NKAIN2: variants seen among roughly 807,000 people sequenced by gnomAD.
The protein encoded by NKAIN2 is sodium/potassium-transporting ATPase subunit beta-1-interacting protein 2.
NKAIN2 carries 14 observed loss-of-function variants against 32.6 expected under a neutral mutation model. The observed-to-expected ratio is 0.43, with a 90% CI of 0.28 to 0.67. The LOEUF is 0.67. Among genes scored for constraint, NKAIN2 ranks in the 30% least tolerant of loss-of-function variants. The pLI is 0.17. For synonymous variants in NKAIN2, 80 were observed against 87.2 expected, an observed-to-expected ratio of 0.92 and a Z score of 0.46; for missense variants, 198 against 258.3, an observed-to-expected ratio of 0.77 and a Z score of 1.60.
In NKAIN2 at chr6:123,940,336, A is replaced by G. The variant is rs181723475; in HGVS notation, c.54+136082A>G. 2.8e-3 allele frequency among the ~76,000 whole-genome samples: 412 copies of G among 148,888 alleles called. 1 individual carries two copies. Among genetic ancestry groups the G allele is most frequent in the Non-Finnish European group, 5.0e-3 (333 of 66,718 alleles). ...TGTGTGTGTGTGTGCCTGTGTGTGTATATATATATATGTGTATGTGTATGT... is the reference window on the plus strand; with the variant it reads ...TGTGTGTGTGTGTGCCTGTGTGTGTGTATATATATATGTGTATGTGTATGT... On this transcript the variant is annotated intron_variant, in intron 1 of 6. Coordinates refer to ENST00000368417, the MANE Select transcript of NKAIN2 (RefSeq NM_001040214.3).
At chr6:124,294,481 T>C (rs553623887) in intron 2 of NKAIN2, among the ~76,000 whole-genome samples, 1 of 152,278 alleles carries the variant, frequency 6.6e-6, no homozygotes, top group East Asian at 1.9e-4. Flanking sequence ...AATTCTGAAA[T>C]TGATTAAAGA....
At chr6:124,405,336 G>A (rs1773803194) in intron 3 of NKAIN2, among the ~76,000 whole-genome samples, 1 of 152,042 alleles carries the variant, frequency 6.6e-6, no homozygotes, top group African/African-American at 2.4e-5. Context: ...ATTACCATGA[G>A]TCTAAGAAGC....
At chr6:124,506,986 AG>A (rs2114762793) in intron 3 of NKAIN2, among the ~76,000 whole-genome samples, 1 of 152,346 alleles carries the variant, frequency 6.6e-6, no homozygotes, top group East Asian at 1.9e-4. Flanking sequence ...AGAAGCTCCA[AG>A]TGACTCATGG....
intron 1 of NKAIN2, among the ~76,000 whole-genome samples, chr6:124,275,294 T>G (rs1582970760): frequency 6.6e-6 from 1 of 152,044 alleles, no homozygotes; most frequent in East Asian, 1.9e-4. Context: ...TTACATAAAC[T>G]TACTGATTTA....
chr6:124,779,236 T>A (rs1779126053), intron 4 of NKAIN2, among the ~76,000 whole-genome samples: 1 of 107,784 alleles, frequency 9.3e-6, no homozygotes, highest in Non-Finnish European at 1.8e-5. Flanking sequence ...AGAGCCAGAC[T>A]CCAACAAAGA....
intron 1 of NKAIN2, among the ~76,000 whole-genome samples, chr6:124,235,133 T>A (rs1486801137): frequency 6.6e-6 from 1 of 152,190 alleles, no homozygotes; most frequent in Non-Finnish European, 1.5e-5. Context: ...TAAAAATAAG[T>A]ATACTTTAGC....
rs192982236 is a variant in NKAIN2 at position 124,157,449 on chromosome 6, A to G, written c.55-125556A>G. Among the ~76,000 whole-genome samples, 279 of 152,322 alleles carry G rather than the reference A, an allele frequency of 1.8e-3. 1 individual carries two copies. Among genetic ancestry groups the G allele is most frequent in the Middle Eastern group, 0.01 (3 of 294 alleles). ...GTTCACAAATTTAAAAAGTAATCCT[A>G]TAAGAGGTAGCGCTATTGCTTTATT... On this transcript the variant is annotated intron_variant, in intron 1 of 6. Coordinates refer to ENST00000368417, the MANE Select transcript of NKAIN2 (RefSeq NM_001040214.3).
At chr6:124,190,983 T>C (rs1474770208) in intron 1 of NKAIN2, among the ~76,000 whole-genome samples, 1 of 152,190 alleles carries the variant, frequency 6.6e-6, no homozygotes, top group Non-Finnish European at 1.5e-5. Flanking sequence ...AACAGAGTGG[T>C]ACATCTACTA....
intron 4 of NKAIN2, among the ~76,000 whole-genome samples, chr6:124,683,793 G>T (rs1214685039): frequency 6.6e-6 from 1 of 152,126 alleles, no homozygotes; most frequent in Non-Finnish European, 1.5e-5. Flanking sequence ...CAGCAAGTAG[G>T]AAAAACATCA....
chr6:124,442,220 C>T (rs563773379), intron 3 of NKAIN2, among the ~76,000 whole-genome samples: 2 of 152,140 alleles, frequency 1.3e-5, no homozygotes, highest in Non-Finnish European at 2.9e-5. Context: ...CCTAAGGCCA[C>T]TTTTATTTCC....
intron 2 of NKAIN2, among the ~76,000 whole-genome samples, chr6:124,346,536 T>C (rs1798432566): frequency 6.6e-6 from 1 of 152,194 alleles, no homozygotes; most frequent in Non-Finnish European, 1.5e-5. Flanking sequence ...GGTGCATATA[T>C]ATTTAGGACA....
At chr6:124,810,917 GAA>G (rs112717446) in intron 5 of NKAIN2, among the ~76,000 whole-genome samples, 26 of 113,424 alleles carry the variant, frequency 2.3e-4, no homozygotes, top group Admixed American at 7.2e-4. Context: ...TCCTTATCAG[GAA>G]AAAAAAAAAA....
Position 124,387,215 on chromosome 6 carries a change from T to C in NKAIN2, c.273+31868T>C, listed in dbSNP as rs923034481. On this transcript the variant is annotated intron_variant, in intron 3 of 6. Coordinates refer to ENST00000368417, the MANE Select transcript of NKAIN2 (RefSeq NM_001040214.3). ...TATCTTTTTAAAGTTGATTTTACAA[T>C]AGAAAAATGATAAGCAAGCAGTGAC... Among the ~76,000 whole-genome samples, 29 of 152,128 alleles carry C rather than the reference T, an allele frequency of 1.9e-4. 1 individual carries two copies. Among genetic ancestry groups the C allele is most frequent in the Admixed American group, 1.6e-3 (24 of 15,250 alleles).
chr6:124,233,985 A>G (rs563993176), intron 1 of NKAIN2, among the ~76,000 whole-genome samples: 1 of 152,306 alleles, frequency 6.6e-6, no homozygotes, highest in South Asian at 2.1e-4. Context: ...CTGCTCGTCT[A>G]TGCTGTAGGC....
At chr6:124,546,277 A>G (rs1780090785) in intron 3 of NKAIN2, among the ~76,000 whole-genome samples, 1 of 152,152 alleles carries the variant, frequency 6.6e-6, no homozygotes, top group South Asian at 2.1e-4. Context: ...ATGGTCCCTC[A>G]GTTCCCAAAC....
At chr6:124,724,485 G>C (rs1364190115) in intron 4 of NKAIN2, among the ~76,000 whole-genome samples, 1 of 152,176 alleles carries the variant, frequency 6.6e-6, no homozygotes, top group Non-Finnish European at 1.5e-5. Context: ...TGGGTGACCT[G>C]CCTGCCTTCA....
intron 3 of NKAIN2, among the ~76,000 whole-genome samples, chr6:124,490,919 G>A (rs934653831): frequency 1.6e-4 from 24 of 151,954 alleles, no homozygotes; most frequent in Admixed American, 7.2e-4. Flanking sequence ...CTGAACTCTA[G>A]GCAGAATAAT....
intron 1 of NKAIN2, among the ~76,000 whole-genome samples, chr6:123,976,217 C>A: frequency 7.0e-6 from 1 of 143,846 alleles, no homozygotes; most frequent in African/African-American, 2.6e-5. Flanking sequence ...TGGATTAATA[C>A]AAGACACAAA....
intron 3 of NKAIN2, among the ~76,000 whole-genome samples, chr6:124,387,354 C>T (rs1166987641): frequency 3.3e-5 from 5 of 151,552 alleles, no homozygotes; most frequent in Non-Finnish European, 7.4e-5. Flanking sequence ...ACCTCCTTGC[C>T]CCATTGCATG....
Sources: allele counts gnomAD v4.1 joint callset (sites outside exome capture counted in the v4.1 genomes callset), GRCh38; gene constraint gnomAD v4.1.1; transcripts MANE v1.5; gene names NCBI Gene and HGNC (gene_info 2026-07-23, HGNC 2026-07-21).